ADAMTS6: variants seen among roughly 807,000 people sequenced by gnomAD.
The protein encoded by ADAMTS6 is A disintegrin and metalloproteinase with thrombospondin motifs 6.
In ADAMTS6, 23 loss-of-function variants were observed where a neutral mutation model predicts 144.3. The observed-to-expected ratio is 0.16, with a 90% CI of 0.11 to 0.23. ADAMTS6 has a LOEUF of 0.23. Ranked by LOEUF, ADAMTS6 falls within the 10% of genes least tolerant of loss-of-function variation. The pLI is 1.00. For missense variants in ADAMTS6, 999 were observed against 1,379.6 expected, an observed-to-expected ratio of 0.72 and a Z score of 4.37; for synonymous variants, 444 against 457.5, an observed-to-expected ratio of 0.97 and a Z score of 0.38.
At chr5:65,271,987 A>G (rs1457450969) in intron 12 of ADAMTS6, among the ~76,000 whole-genome samples, 1 of 152,196 alleles carries the variant, frequency 6.6e-6, no homozygotes, top group Non-Finnish European at 1.5e-5. Flanking sequence ...TTACCCTATC[A>G]GTTCATATAT....
rs532327325 is a variant in ADAMTS6, at chr5:65,439,321, CTTATTAATTA to C, written c.1073+12144_1073+12153del. Among the ~76,000 whole-genome samples the C allele has an allele frequency of 1.5e-3, 230 of 152,016 alleles. 1 individual carries two copies. The highest frequency in any genetic ancestry group is 2.5e-3 in the Non-Finnish European group (167 of 68,004). On this transcript the variant is annotated intron_variant, in intron 7 of 24. Coordinates refer to ENST00000381055, the MANE Select transcript of ADAMTS6 (RefSeq NM_197941.4). Reference sequence around the variant, plus strand: ...TCTCGAGGTAACTTGCCAAAAATTACTTATTAATTAAAATGGGAAAAATTACAAAGGAGAA... The same window carrying C: ...TCTCGAGGTAACTTGCCAAAAATTACAAATGGGAAAAATTACAAAGGAGAA...
chr5:65,318,495 A>G (rs1337451567), intron 9 of ADAMTS6, among the ~76,000 whole-genome samples: 4 of 152,348 alleles, frequency 2.6e-5, no homozygotes, highest in South Asian at 2.1e-4. Context: ...CATCAACAGA[A>G]GAATAAATAG....
At chr5:65,201,022 A>C (rs915679338) in intron 20 of ADAMTS6, among the ~76,000 whole-genome samples, 3 of 152,164 alleles carry the variant, frequency 2.0e-5, no homozygotes, top group African/African-American at 7.2e-5. Context: ...TTCCCATCAA[A>C]GGTTCTTTTA....
chr5:65,377,146 A>G (rs1580539322), intron 7 of ADAMTS6, among the ~76,000 whole-genome samples: 1 of 152,218 alleles, frequency 6.6e-6, no homozygotes, highest in East Asian at 1.9e-4. Flanking sequence ...CAACATTAAT[A>G]CAAATACTCA....
chr5:65,304,964 T>C (rs1743786812), intron 9 of ADAMTS6, among the ~76,000 whole-genome samples: 1 of 151,600 alleles, frequency 6.6e-6, no homozygotes, highest in South Asian at 2.1e-4. Flanking sequence ...ATAAATGAAA[T>C]TGGAGTATGA....
At chr5:65,251,174 A>C (rs1311478824) in intron 14 of ADAMTS6, 3 of 152,336 alleles carry the variant, frequency 2.0e-5, no homozygotes, top group African/African-American at 7.2e-5. Flanking sequence ...TTTTCAGAAG[A>C]TTGAGCACAG....
intron 7 of ADAMTS6, among the ~76,000 whole-genome samples, chr5:65,398,806 AAGAAAGAAAG>A (rs1446020141): frequency 1.0e-5 from 1 of 95,430 alleles, no homozygotes; most frequent in Non-Finnish European, 2.3e-5. Flanking sequence ...GAAAGAAAGA[AAGAAAGAAAG>A]AAAGAAAGAA....
chr5:65,285,289 G>A (rs925452313), intron 11 of ADAMTS6, among the ~76,000 whole-genome samples: 1 of 151,994 alleles, frequency 6.6e-6, no homozygotes, highest in African/African-American at 2.4e-5. Flanking sequence ...TTATTTGAGA[G>A]CACTGGGCAC....
Position 65,260,654 on chromosome 5 carries a change from T to C in ADAMTS6, c.1776A>G (p.Gly592=). 1 of 1,613,322 alleles carries C rather than the reference T, an allele frequency of 6.2e-7. No individual in the cohort carries two copies. The highest frequency in any genetic ancestry group is 1.3e-5 in the African/African-American group (1 of 74,992). ...LRHCDSPAPS[G]GGKYCLGERK... ...TTTCCCCAAGGCAATATTTTCCACC[T>C]CCTGAAGGTCTGAAAAAACATTGTG... The change falls in exon 14 of 25, where the codon GGA becomes GGG. Residue 592 remains glycine (G), a synonymous_variant. Coordinates refer to ENST00000381055, the MANE Select transcript of ADAMTS6 (RefSeq NM_197941.4).
intron 20 of ADAMTS6, among the ~76,000 whole-genome samples, chr5:65,200,873 T>C (rs1377573574): frequency 6.6e-6 from 1 of 152,218 alleles, no homozygotes; most frequent in African/African-American, 2.4e-5. Flanking sequence ...AATTTGCTTA[T>C]CTTTTTATTC....
chr5:65,248,371 T>C (rs1006261428), intron 14 of ADAMTS6, among the ~76,000 whole-genome samples: 13 of 152,208 alleles, frequency 8.5e-5, no homozygotes, highest in African/African-American at 1.2e-4. Flanking sequence ...AACTTGAATG[T>C]AGTGTCATGC....
chr5:65,268,646 TTATTCAGGCGA>T (rs1761818571), intron 12 of ADAMTS6, among the ~76,000 whole-genome samples: 1 of 152,200 alleles, frequency 6.6e-6, no homozygotes, highest in Non-Finnish European at 1.5e-5. Flanking sequence ...CTTGAATGGC[TTATTCAGGCGA>T]ACATCCAATG....
intron 15 of ADAMTS6, among the ~76,000 whole-genome samples, chr5:65,239,263 T>TAAAAAA (rs397884878): frequency 7.0e-6 from 1 of 142,862 alleles, no homozygotes. Flanking sequence ...ACTTAATGTA[T>TAAAAAA]AAAAAAAAAA....
chr5:65,170,898 G>A lies in ADAMTS6; in HGVS notation c.3088-125C>T, dbSNP rs958586750. ...TTTTTTTTTTCTTTTGAGACACAGCGTCTTGCTATGTTGGCCAGGCTGGTC... is the reference window on the plus strand; with the variant it reads ...TTTTTTTTTTCTTTTGAGACACAGCATCTTGCTATGTTGGCCAGGCTGGTC... On this transcript the variant is annotated intron_variant, in intron 23 of 24. Transcript: ENST00000381055. 230 of 999,708 alleles carry A rather than the reference G, an allele frequency of 2.3e-4. 2 individuals carry two copies. The highest frequency in any genetic ancestry group is 5.2e-4 in the Admixed American group (17 of 32,948). The allele number at this position is 999,708 out of a possible 1,614,324, so 61.9% of individuals were successfully genotyped here.
At chr5:65,188,699 C>T (rs887721262) in intron 21 of ADAMTS6, among the ~76,000 whole-genome samples, 1 of 152,106 alleles carries the variant, frequency 6.6e-6, no homozygotes, top group Admixed American at 6.5e-5. Flanking sequence ...GCTTGATATA[C>T]TAAAGGTGAA....
intron 20 of ADAMTS6, among the ~76,000 whole-genome samples, chr5:65,204,461 G>C (rs563358054): frequency 6.6e-6 from 1 of 152,206 alleles, no homozygotes; most frequent in Non-Finnish European, 1.5e-5. Context: ...AGGATCTTGG[G>C]GGCTGTGATG....
At chr5:65,177,913 T>C (rs1754081912) in intron 22 of ADAMTS6, among the ~76,000 whole-genome samples, 1 of 152,084 alleles carries the variant, frequency 6.6e-6, no homozygotes, top group Non-Finnish European at 1.5e-5. Context: ...GAGTAATAAG[T>C]CGTGCCAAGC....
intron 18 of ADAMTS6, among the ~76,000 whole-genome samples, chr5:65,218,006 A>G (rs1757055427): frequency 6.6e-6 from 1 of 152,182 alleles, no homozygotes; most frequent in East Asian, 1.9e-4. Flanking sequence ...TGGAGAACCC[A>G]AGCAGAACAC....
intron 7 of ADAMTS6, among the ~76,000 whole-genome samples, chr5:65,448,619 G>C (rs911392223): frequency 7.3e-5 from 11 of 151,536 alleles, no homozygotes; most frequent in African/African-American, 2.7e-4. Flanking sequence ...CGCCTGGCTA[G>C]TTTTTTTTGT....
Sources: allele counts gnomAD v4.1 joint callset (sites outside exome capture counted in the v4.1 genomes callset), GRCh38; gene constraint gnomAD v4.1.1; transcripts MANE v1.5; gene names NCBI Gene and HGNC (gene_info 2026-07-23, HGNC 2026-07-21).